The following COL5A2 variants were observed in gnomAD, a reference collection of about 807,000 sequenced individuals.
COL5A2 encodes the protein collagen type V alpha 2 chain.
A neutral mutation model predicts 208.2 loss-of-function variants in COL5A2; 23 were observed. The ratio of observed to expected loss-of-function variants is 0.11; its 90% confidence interval spans 0.08 to 0.16. The LOEUF is 0.16. Ranked by LOEUF, COL5A2 falls within the 10% of genes least tolerant of loss-of-function variation. COL5A2 has a pLI of 1.00. For missense variants in COL5A2, 1,590 were observed against 1,956.4 expected (o/e 0.81, Z 3.53); for synonymous variants, 625 against 628.5 (o/e 0.99, Z 0.08).
Position 189,075,448 on chromosome 2 carries a change from GA to G in COL5A2, c.1060-12del. ...TGCACCTCGTTGTCCCTAATTAAGAGAAAAAGAGACAAGACAGGATAAGATT... is the reference window on the plus strand; with the variant it reads ...TGCACCTCGTTGTCCCTAATTAAGAGAAAAGAGACAAGACAGGATAAGATT... On this transcript the variant is annotated splice_polypyrimidine_tract_variant and intron_variant, in intron 16 of 53. Transcript: ENST00000374866. 6.2e-7 allele frequency: 1 copy of G among 1,602,116 alleles called. No individual in the cohort carries two copies. The highest frequency in any genetic ancestry group is 8.5e-7 in the Non-Finnish European group (1 of 1,169,730).
chr2:189,108,213 A>G (rs1019891058), intron 2 of COL5A2, among the ~76,000 whole-genome samples: 1 of 151,806 alleles, frequency 6.6e-6, no homozygotes, highest in African/African-American at 2.4e-5. Flanking sequence ...TTCTAGATTT[A>G]AATATAATAA....
At chr2:189,202,565 TGTG>T in intron 1 of COL5A2, among the ~76,000 whole-genome samples, 1 of 152,236 alleles carries the variant, frequency 6.6e-6, no homozygotes, top group East Asian at 1.9e-4. Flanking sequence ...TTAGAATTCA[TGTG>T]GTAGAAAATT....
intron 1 of COL5A2, among the ~76,000 whole-genome samples, chr2:189,147,332 T>G (rs1688058961): frequency 6.6e-6 from 1 of 152,084 alleles, no homozygotes. Context: ...AGTAACAAAT[T>G]AAGCAAACCA....
Position 189,050,583 on chromosome 2 carries a change from G to A in COL5A2, c.3025C>T (p.Leu1009=). Reference sequence around the variant, plus strand: ...CAGCTACTCACCGCTGGGCCTGGTAGGCCGGGCATGCCTCTCTCTCCACGT... The same window carrying A: ...CAGCTACTCACCGCTGGGCCTGGTAAGCCGGGCATGCCTCTCTCTCCACGT... ...GQRGERGMPG[L]PGPAGTPGKV... Residue 1009 remains leucine (L), a synonymous_variant, in exon 43 of 54, where the codon CTA becomes TTA. Transcript: ENST00000374866. The A allele has an allele frequency of 6.4e-7, 1 of 1,551,570 alleles. No homozygotes were observed. Among genetic ancestry groups the A allele is most frequent in the Non-Finnish European group, 8.7e-7 (1 of 1,146,874 alleles).
chr2:189,050,377 T>C (rs888980751), intron 43 of COL5A2, among the ~76,000 whole-genome samples, 192 bp downstream of exon 43: 4 of 152,214 alleles, frequency 2.6e-5, no homozygotes, highest in Non-Finnish European at 4.4e-5. Flanking sequence ...TAAACAAATA[T>C]ATATTTTCAA....
chr2:189,274,145 TAAA>T, the COL5A2 span, among the ~76,000 whole-genome samples: 1 of 152,122 alleles, frequency 6.6e-6, no homozygotes, highest in Non-Finnish European at 1.5e-5. Flanking sequence ...AAATATTTTT[TAAA>T]ATAATGATAG....
the COL5A2 span, among the ~76,000 whole-genome samples, chr2:189,255,061 C>A: frequency 1.3e-5 from 2 of 152,174 alleles, no homozygotes; most frequent in African/African-American, 4.8e-5. Context: ...CAATGTATCA[C>A]TCCCACTTCT....
intron 2 of COL5A2, among the ~76,000 whole-genome samples, chr2:189,105,004 T>C (rs1687122690): frequency 6.6e-6 from 1 of 151,772 alleles, no homozygotes; most frequent in African/African-American, 2.4e-5. Flanking sequence ...GACATTTGGA[T>C]TGTTTCTAAT....
intron 1 of COL5A2, among the ~76,000 whole-genome samples, chr2:189,172,827 T>C (rs1175678092): frequency 6.6e-6 from 1 of 151,972 alleles, no homozygotes; most frequent in Admixed American, 6.6e-5. Context: ...TGTGAGACTG[T>C]CTTTCCTCCT....
the COL5A2 span, among the ~76,000 whole-genome samples, chr2:189,374,184 A>T: frequency 1.3e-5 from 2 of 152,216 alleles, no homozygotes; most frequent in Admixed American, 1.3e-4. Flanking sequence ...GGAAAAATTA[A>T]ATGACACATA....
chr2:189,191,158 A>AAAAAAAAAAAAAAAAAAACC (rs764677628), intron 1 of COL5A2, among the ~76,000 whole-genome samples: 1 of 130,746 alleles, frequency 7.6e-6, no homozygotes. Flanking sequence ...AAAACAAAAA[A>AAAAAAAAAAAAAAAAAAACC]CAAACAAACA....
the COL5A2 span, among the ~76,000 whole-genome samples, chr2:189,240,179 G>A: frequency 1.3e-5 from 2 of 152,152 alleles, no homozygotes; most frequent in African/African-American, 4.8e-5. Context: ...CCTTAATTGG[G>A]TCAGGCTGCT....
intron 1 of COL5A2, among the ~76,000 whole-genome samples, chr2:189,131,597 C>G (rs1261254427): frequency 6.6e-6 from 1 of 152,126 alleles, no homozygotes; most frequent in Non-Finnish European, 1.5e-5. Flanking sequence ...TGAGCAAAAA[C>G]AGCAACTAGG....
the COL5A2 span, among the ~76,000 whole-genome samples, chr2:189,340,466 GC>G: frequency 6.6e-6 from 1 of 152,158 alleles, no homozygotes; most frequent in Non-Finnish European, 1.5e-5. Context: ...AATCTCCTTT[GC>G]CATTAAGAGG....
chr2:189,108,746 T>G (rs1320499602), intron 2 of COL5A2, among the ~76,000 whole-genome samples: 2 of 151,918 alleles, frequency 1.3e-5, no homozygotes, highest in African/African-American at 4.8e-5. Flanking sequence ...ATCCCTTGCT[T>G]GCCTTCTACA....
chr2:189,056,643 T>A (rs1447773793), intron 35 of COL5A2: 1 of 373,244 alleles, frequency 2.7e-6, no homozygotes, highest in African/African-American at 2.1e-5. Flanking sequence ...AATGAAGTAT[T>A]GGCCAGCTCA....
chr2:189,194,019 T>A (rs553096367), intron 1 of COL5A2, among the ~76,000 whole-genome samples: 3 of 152,238 alleles, frequency 2.0e-5, no homozygotes, highest in Non-Finnish European at 4.4e-5. Flanking sequence ...TCATTTATAT[T>A]AATATGTAAT....
the COL5A2 span, among the ~76,000 whole-genome samples, chr2:189,362,776 G>A: frequency 6.6e-6 from 1 of 151,918 alleles, no homozygotes; most frequent in African/African-American, 2.4e-5. Context: ...GAGTAGAACA[G>A]AGCAAACAAC....
At chr2:189,335,939 G>A in the COL5A2 span, among the ~76,000 whole-genome samples, 42,880 of 151,966 alleles carry the variant, frequency 0.28, 6,302 homozygotes, top group African/African-American at 0.34. Context: ...TTTCTAAAAA[G>A]GAAATCATTA....
Sources: allele counts gnomAD v4.1 joint callset (sites outside exome capture counted in the v4.1 genomes callset), GRCh38; gene constraint gnomAD v4.1.1; transcripts MANE v1.5; gene names NCBI Gene and HGNC (gene_info 2026-07-23, HGNC 2026-07-21).